AAK1: variants seen among roughly 807,000 people sequenced by gnomAD.
AAK1 encodes the protein AP2 associated kinase 1.
AAK1 carries 37 observed loss-of-function variants against 116.0 expected under a neutral mutation model. The ratio of observed to expected loss-of-function variants is 0.32; its 90% CI spans 0.25 to 0.42. The LOEUF (loss-of-function observed/expected upper bound fraction) is 0.42. AAK1 is among the 10% of genes least tolerant of loss of function. The pLI is 1.00. For synonymous variants in AAK1, 458 were observed against 439.9 expected (o/e 1.04, Z -0.51); for missense variants, 919 against 1,170.6 (o/e 0.79, Z 3.14).
intron 2 of AAK1, among the ~76,000 whole-genome samples, chr2:69,635,043 G>C (rs1675386436): frequency 1.3e-5 from 2 of 152,272 alleles, no homozygotes; most frequent in South Asian, 4.1e-4. Flanking sequence ...CAGAATGTGA[G>C]AAAATATCTG....
intron 2 of AAK1, among the ~76,000 whole-genome samples, chr2:69,593,292 A>T (rs1018066303): frequency 6.6e-6 from 1 of 152,206 alleles, no homozygotes; most frequent in East Asian, 1.9e-4. Context: ...AGATTATGGT[A>T]TATCCATGCA....
chr2:69,639,478 A>C (rs1359584805), intron 2 of AAK1, among the ~76,000 whole-genome samples: 4 of 152,180 alleles, frequency 2.6e-5, no homozygotes, highest in Non-Finnish European at 5.9e-5. Flanking sequence ...ATATTCCTCT[A>C]AACTCATAAC....
intron 17 of AAK1, among the ~76,000 whole-genome samples, chr2:69,489,349 G>A (rs1471257696): frequency 6.6e-6 from 1 of 151,734 alleles, no homozygotes; most frequent in Non-Finnish European, 1.5e-5. Flanking sequence ...TACTCGGGGG[G>A]CTGAGGCAGG....
chr2:69,583,737 C>T (rs1001451306), intron 2 of AAK1, among the ~76,000 whole-genome samples: 4 of 152,164 alleles, frequency 2.6e-5, no homozygotes, highest in African/African-American at 9.7e-5. Context: ...TGATTCTTGG[C>T]CCTGAGTCCC....
At chr2:69,495,033 A>AT (rs1188846305) in intron 17 of AAK1, among the ~76,000 whole-genome samples, 1 of 152,174 alleles carries the variant, frequency 6.6e-6, no homozygotes, top group Non-Finnish European at 1.5e-5. Context: ...GAGAAAAAAA[A>AT]CCAAGCCAGT....
intron 2 of AAK1, among the ~76,000 whole-genome samples, chr2:69,591,759 C>A (rs1358740397): frequency 6.6e-6 from 1 of 151,902 alleles, no homozygotes. Context: ...TTAGCAGAGA[C>A]GGGGTTTCAT....
intron 2 of AAK1, among the ~76,000 whole-genome samples, chr2:69,637,181 G>T (rs1217695654): frequency 6.6e-6 from 1 of 152,068 alleles, no homozygotes; most frequent in Non-Finnish European, 1.5e-5. Flanking sequence ...CTTCTACCTT[G>T]TCCATCTAGC....
At chr2:69,604,899 C>A (rs986482967) in intron 2 of AAK1, among the ~76,000 whole-genome samples, 1 of 152,218 alleles carries the variant, frequency 6.6e-6, no homozygotes, top group Non-Finnish European at 1.5e-5. Flanking sequence ...AGCCACCATG[C>A]TTTCAGTCAA....
At chr2:69,534,333 G>A (rs1670375343) in intron 5 of AAK1, among the ~76,000 whole-genome samples, 1 of 152,156 alleles carries the variant, frequency 6.6e-6, no homozygotes, top group Non-Finnish European at 1.5e-5. Flanking sequence ...GTTAGAAGCA[G>A]AGCAATTACT....
chr2:69,547,493 C>T (rs775134749), intron 3 of AAK1, among the ~76,000 whole-genome samples: 9 of 151,508 alleles, frequency 5.9e-5, no homozygotes, highest in South Asian at 2.1e-4. Context: ...TACAAATGCC[C>T]GAAAGTATAT....
intron 3 of AAK1, among the ~76,000 whole-genome samples, chr2:69,551,817 A>G (rs1034973898): frequency 6.6e-6 from 1 of 152,256 alleles, no homozygotes; most frequent in African/African-American, 2.4e-5. Context: ...CATATGGATC[A>G]AAGAACTCAG....
intron 2 of AAK1, chr2:69,599,018 G>C: frequency 3.2e-6 from 1 of 310,634 alleles, no homozygotes; most frequent in Non-Finnish European, 6.4e-6. Context: ...TAAAGTTGTA[G>C]AAAATTCATG....
chr2:69,545,748 G>T (rs1558950360), intron 3 of AAK1, among the ~76,000 whole-genome samples: 1 of 152,198 alleles, frequency 6.6e-6, no homozygotes, highest in Non-Finnish European at 1.5e-5. Context: ...TCAGACAAAA[G>T]TAGAAAGGCT....
At chr2:69,640,260 C>G (rs1358193449) in intron 2 of AAK1, among the ~76,000 whole-genome samples, 2 of 152,034 alleles carry the variant, frequency 1.3e-5, no homozygotes, top group African/African-American at 2.4e-5. Flanking sequence ...TTATTAAGCC[C>G]CACACCCACA....
At chr2:69,491,253 A>G (rs1476024892) in intron 17 of AAK1, among the ~76,000 whole-genome samples, 1 of 152,028 alleles carries the variant, frequency 6.6e-6, no homozygotes, top group Non-Finnish European at 1.5e-5. Context: ...CTTTTCTACC[A>G]TATTTTAAAA....
At chr2:69,614,983 G>A (rs1296255604) in intron 2 of AAK1, among the ~76,000 whole-genome samples, 1 of 152,154 alleles carries the variant, frequency 6.6e-6, no homozygotes, top group Non-Finnish European at 1.5e-5. Context: ...CTGGCCTCCA[G>A]AACTGTGAGA....
At chr2:69,592,319 T>C (rs1163590816) in intron 2 of AAK1, among the ~76,000 whole-genome samples, 1 of 152,154 alleles carries the variant, frequency 6.6e-6, no homozygotes, top group Non-Finnish European at 1.5e-5. Flanking sequence ...CAACTGGCAA[T>C]ATCTGGAGAC....
chr2:69,632,027 A>G (rs1234090907), intron 2 of AAK1, among the ~76,000 whole-genome samples: 1 of 152,194 alleles, frequency 6.6e-6, no homozygotes, highest in Non-Finnish European at 1.5e-5. Context: ...CAATAATAAT[A>G]AAAACAAAAA....
intron 17 of AAK1, among the ~76,000 whole-genome samples, chr2:69,490,125 TGTCTTCTTGCTTA>T (rs1248049085): frequency 6.6e-6 from 1 of 152,204 alleles, no homozygotes; most frequent in African/African-American, 2.4e-5. Context: ...GGGCAACGAA[TGTCTTCTTGCTTA>T]GTCTGTGGAA....
Sources: gnomAD v4.1 joint callset for allele counts (sites outside exome capture counted in the v4.1 genomes callset) on GRCh38, gnomAD v4.1.1 for gene constraint, MANE v1.5 for transcripts, NCBI Gene and HGNC (gene_info 2026-07-23, HGNC 2026-07-21) for gene names.